TRPS1: variants seen among roughly 807,000 people sequenced by gnomAD.
TRPS1 encodes the protein transcriptional repressor GATA binding 1, also known as zinc finger transcription factor Trps1.
In TRPS1, 6 loss-of-function variants were observed where a neutral mutation model predicts 101.2. The ratio of observed to expected loss-of-function variants is 0.06; its 90% CI spans 0.03 to 0.12. TRPS1 has a LOEUF of 0.12. Ranked by LOEUF, TRPS1 falls within the 10% of genes least tolerant of loss-of-function variation. The pLI, the probability that TRPS1 is intolerant of heterozygous loss-of-function variation, is 1.00. For missense variants in TRPS1, 1,363 were observed against 1,567.0 expected, an observed-to-expected ratio of 0.87 and a Z score of 2.20; for synonymous variants, 578 against 589.8, an observed-to-expected ratio of 0.98 and a Z score of 0.29.
At chr8:115,621,983 A>T (rs1165269162) in intron 2 of TRPS1, among the ~76,000 whole-genome samples, 1 of 152,108 alleles carries the variant, frequency 6.6e-6, no homozygotes, top group Non-Finnish European at 1.5e-5. Flanking sequence ...CTTACACATC[A>T]ATAATGTTAT....
At chr8:115,599,185 TTCTG>T (rs913165599) in intron 4 of TRPS1, among the ~76,000 whole-genome samples, 16 of 152,306 alleles carry the variant, frequency 1.1e-4, no homozygotes, top group South Asian at 2.1e-4. Flanking sequence ...CTCTTAAATA[TTCTG>T]TCTAATGCCT....
At chr8:115,515,271 C>A in intron 5 of TRPS1, 1 of 697,932 alleles carries the variant, frequency 1.4e-6, no homozygotes, top group East Asian at 2.7e-5. Flanking sequence ...GTCATCCAAG[C>A]AGATTCAAAA....
chr8:115,553,983 AAC>A (rs1309296377), intron 5 of TRPS1, among the ~76,000 whole-genome samples: 9 of 152,182 alleles, frequency 5.9e-5, no homozygotes, highest in African/African-American at 2.2e-4. Context: ...GTCTTTATTA[AAC>A]ACTTACTTTT....
chr8:115,587,694 T>C, intron 4 of TRPS1, 90 bp from the exon 5 acceptor site: 1 of 1,596,850 alleles, frequency 6.3e-7, no homozygotes, highest in South Asian at 1.1e-5. Flanking sequence ...ATTTTCTACC[T>C]ACTCATGCAA....
chr8:115,492,343 A>G, intron 5 of TRPS1: 2 of 443,344 alleles, frequency 4.5e-6, no homozygotes, highest in Non-Finnish European at 9.1e-6. Context: ...ATAATTTTGC[A>G]GGAACAGACA....
chr8:115,435,152 T>G (rs1813417420), intron 5 of TRPS1, among the ~76,000 whole-genome samples: 1 of 152,228 alleles, frequency 6.6e-6, no homozygotes, highest in African/African-American at 2.4e-5. Flanking sequence ...GTGGTTTATA[T>G]TCAAAATAGT....
intron 1 of TRPS1, among the ~76,000 whole-genome samples, chr8:115,646,898 G>C (rs1437828979): frequency 6.6e-6 from 1 of 152,078 alleles, no homozygotes; most frequent in Non-Finnish European, 1.5e-5. Context: ...TATAACTTAT[G>C]AAATCAACTC....
chr8:115,512,535 G>A (rs1372168272), intron 5 of TRPS1, among the ~76,000 whole-genome samples: 1 of 149,256 alleles, frequency 6.7e-6, no homozygotes, highest in African/African-American at 2.5e-5. Context: ...GTTTTTTTTT[G>A]AGCTAAAAAA....
At chr8:115,564,920 A>G (rs1480235715) in intron 5 of TRPS1, among the ~76,000 whole-genome samples, 10 of 152,132 alleles carry the variant, frequency 6.6e-5, no homozygotes, top group African/African-American at 2.2e-4. Flanking sequence ...ATAATGGTAC[A>G]TACACTTGAA....
Position 115,418,729 on chromosome 8 carries a change from C to T in TRPS1, c.2701-277G>A, listed in dbSNP as rs1018338617. Among the ~76,000 whole-genome samples the T allele has an allele frequency of 2.6e-5, 4 of 152,154 alleles. No homozygotes were observed. The highest frequency in any genetic ancestry group is 7.2e-5 in the African/African-American group (3 of 41,430). The stretch of plus-strand genomic sequence containing the variant: ...TTGGGTTTTATGGCTTTAATGATGG[C>T]TCCTAAATGCTGAACCCTAAAATAT... On this transcript the variant is annotated intron_variant, in intron 5 of 6. Transcript: ENST00000395715. The surrounding 1 kb of genome is among the most constrained non-coding windows in gnomAD (Gnocchi z 4.3).
intron 5 of TRPS1, among the ~76,000 whole-genome samples, chr8:115,497,899 G>T (rs1815189000): frequency 6.7e-6 from 1 of 148,854 alleles, no homozygotes; most frequent in Admixed American, 6.8e-5. Flanking sequence ...CAGATTAGAG[G>T]CATCCAAAAA....
chr8:115,630,921 T>C lies in TRPS1; in HGVS notation c.-121-7163A>G, dbSNP rs917412209. Among the ~76,000 whole-genome samples, 3 of 152,166 alleles carry C rather than the reference T, an allele frequency of 2.0e-5. No homozygotes were observed. In the South Asian group the frequency reaches 6.2e-4, roughly 32 times the overall value. On this transcript the variant is annotated intron_variant, in intron 1 of 6. Coordinates refer to ENST00000395715, the MANE Select transcript of TRPS1 (RefSeq NM_014112.5). ...AAAAGTGATAACATTTTAAGAAACTTACAAGAGAACACAATCTACAAGACG... is the reference window on the plus strand; with the variant it reads ...AAAAGTGATAACATTTTAAGAAACTCACAAGAGAACACAATCTACAAGACG...
chr8:115,578,782 T>G (rs1375053675), intron 5 of TRPS1, among the ~76,000 whole-genome samples: 1 of 152,170 alleles, frequency 6.6e-6, no homozygotes, highest in African/African-American at 2.4e-5. Context: ...TTCTTTACAG[T>G]ATATTGTATT....
At chr8:115,657,913 A>G (rs1481438337) in intron 1 of TRPS1, among the ~76,000 whole-genome samples, 3 of 152,138 alleles carry the variant, frequency 2.0e-5, no homozygotes, top group Admixed American at 6.6e-5. Context: ...GAAAAGTTAT[A>G]AAGAAAGGTA....
intron 5 of TRPS1, among the ~76,000 whole-genome samples, chr8:115,575,204 T>C (rs1230146172): frequency 6.6e-6 from 1 of 152,116 alleles, no homozygotes; most frequent in Non-Finnish European, 1.5e-5. Flanking sequence ...TAGAAATAAA[T>C]GTCCAACAAT....
chr8:115,502,756 A>C (rs1180526989), intron 5 of TRPS1, among the ~76,000 whole-genome samples: 2 of 152,204 alleles, frequency 1.3e-5, no homozygotes, highest in African/African-American at 4.8e-5. Flanking sequence ...ACACACATAC[A>C]TGCATACACA....
chr8:115,648,421 C>T (rs1462164898), intron 1 of TRPS1, among the ~76,000 whole-genome samples: 3 of 152,214 alleles, frequency 2.0e-5, no homozygotes, highest in African/African-American at 7.2e-5. Context: ...GCGCCGAGCA[C>T]GCGTGGTGGC....
At chr8:115,597,047 T>G (rs1464207776) in intron 4 of TRPS1, among the ~76,000 whole-genome samples, 1 of 151,950 alleles carries the variant, frequency 6.6e-6, no homozygotes, top group East Asian at 1.9e-4. Context: ...GGAAAGACAA[T>G]CAGAGTTTTT....
In TRPS1 at chr8:115,619,278, C is replaced by T; in HGVS notation, c.820G>A (p.Asp274Asn). The T allele has an allele frequency of 1.2e-6, 2 of 1,613,982 alleles. No individual in the cohort carries two copies. Among genetic ancestry groups the T allele is most frequent in the Non-Finnish European group, 1.7e-6 (2 of 1,179,860 alleles). Reference sequence around the variant, plus strand: ...TTATGAAGGGCCAAGATTTTGCTGTCCAGCTCAGCATCTTGCCTGGTGCGG... The same window carrying T: ...TTATGAAGGGCCAAGATTTTGCTGTTCAGCTCAGCATCTTGCCTGGTGCGG... ...HNRTRQDAEL[D>N]SKILALHNMV... Residue 274 changes from aspartate (D) to asparagine (N), a missense_variant, in exon 3 of 7, where the codon GAC becomes AAC. Asp to Asn is a conservative substitution (Grantham distance 23). Coordinates refer to ENST00000395715, the MANE Select transcript of TRPS1 (RefSeq NM_014112.5).
Sources: allele counts gnomAD v4.1 joint callset (sites outside exome capture counted in the v4.1 genomes callset), GRCh38; gene constraint gnomAD v4.1.1; non-coding constraint Gnocchi (gnomAD v3.1); transcripts MANE v1.5; gene names NCBI Gene and HGNC (gene_info 2026-07-23, HGNC 2026-07-21).